Variants in TANC2 observed in about 807,000 individuals in gnomAD.
TANC2 encodes protein TANC2.
In TANC2, 26 loss-of-function variants were observed where a neutral mutation model predicts 210.5. The ratio of observed to expected loss-of-function variants is 0.12; its 90% CI spans 0.09 to 0.17. TANC2 has a LOEUF of 0.17. TANC2 is among the 10% of genes least tolerant of loss of function. The pLI is 1.00. For synonymous variants in TANC2, 931 were observed against 967.1 expected (o/e 0.96, Z 0.69); for missense variants, 2,129 against 2,608.9 (o/e 0.82, Z 4.01).
chr17:63,267,906 G>C (rs368258213), intron 9 of TANC2, 33 bp downstream of exon 9: 2 of 1,570,164 alleles, frequency 1.3e-6, no homozygotes, highest in African/African-American at 2.7e-5. Context: ...AAGGGTGCCC[G>C]GGAACAGATG....
intron 2 of TANC2, among the ~76,000 whole-genome samples, chr17:63,017,692 C>T (rs942139075): frequency 5.3e-5 from 8 of 152,218 alleles, no homozygotes; most frequent in Admixed American, 1.3e-4. Flanking sequence ...AGACATGGAA[C>T]GAGTGTGATA....
intron 1 of TANC2, among the ~76,000 whole-genome samples, chr17:62,988,529 G>A (rs1485108375): frequency 6.6e-6 from 1 of 152,070 alleles, no homozygotes; most frequent in South Asian, 2.1e-4. Context: ...CTGATTGTTT[G>A]TTGGGATTAG....
intron 8 of TANC2, among the ~76,000 whole-genome samples, chr17:63,247,415 C>T (rs999405646): frequency 6.6e-6 from 1 of 151,660 alleles, no homozygotes; most frequent in Non-Finnish European, 1.5e-5. Context: ...TGTTTTAACT[C>T]AAGTATTGGA....
intron 5 of TANC2, among the ~76,000 whole-genome samples, chr17:63,180,326 T>TA (rs1452807857): frequency 1.3e-5 from 2 of 152,166 alleles, no homozygotes; most frequent in African/African-American, 4.8e-5. Context: ...GAAAGACTAA[T>TA]CTTTTTTATC....
intron 7 of TANC2, among the ~76,000 whole-genome samples, chr17:63,220,319 T>C (rs1215853728): frequency 6.7e-6 from 1 of 149,556 alleles, no homozygotes. Flanking sequence ...AGTCCAAAAA[T>C]AGACCCACAC....
Position 63,412,731 on chromosome 17 carries a change from A to G in TANC2, c.3928+22A>G. The G allele has an allele frequency of 6.5e-7, 1 of 1,535,818 alleles. No individual in the cohort carries two copies. The highest frequency in any genetic ancestry group is 8.7e-7 in the Non-Finnish European group (1 of 1,146,912). ...CGAGGTATATTTCACCGCTGTCAGC[A>G]TCAGGCGTGGTCTGATGGCTTGGTC... On this transcript the variant is annotated intron_variant, in intron 24 of 27. Transcript: ENST00000689528. The surrounding 1 kb of genome is among the most constrained non-coding windows in gnomAD (Gnocchi z 4.2).
At chr17:63,257,923 G>C (rs9905707) in intron 8 of TANC2, among the ~76,000 whole-genome samples, 1 of 152,058 alleles carries the variant, frequency 6.6e-6, no homozygotes, top group South Asian at 2.1e-4. Context: ...AATTACAGTG[G>C]TCTGTGAACT....
At chr17:62,969,180 A>G (rs569712565) in intron 1 of TANC2, among the ~76,000 whole-genome samples, 1 of 152,318 alleles carries the variant, frequency 6.6e-6, no homozygotes, top group Non-Finnish European at 1.5e-5. Flanking sequence ...TGTAGCACCT[A>G]TTCTTTGCCA....
At chr17:63,308,834 T>A (rs2045015811) in intron 9 of TANC2, among the ~76,000 whole-genome samples, 1 of 152,114 alleles carries the variant, frequency 6.6e-6, no homozygotes. Flanking sequence ...TAACAACCAA[T>A]TCATTTTGCA....
At position 63,420,180 on chromosome 17, in the gene TANC2, C is replaced by A. The variant is rs780968730; in HGVS notation, c.4450C>A (p.Gln1484Lys). 6.3e-7 allele frequency: 1 copy of A among 1,582,220 alleles called. No individual in the cohort carries two copies. Among genetic ancestry groups the A allele is most frequent in the South Asian group, 1.1e-5 (1 of 87,154 alleles). Reference sequence around the variant, plus strand: ...GCCGGAAGAAGCAGAACCTGAGCCACAGCATGAAGACATATACTCTGTACA... The same window carrying A: ...GCCGGAAGAAGCAGAACCTGAGCCAAAGCATGAAGACATATACTCTGTACA... Residue 1484 changes from glutamine to lysine, a missense_variant, in exon 28 of 28, where the codon CAG (glutamine) becomes AAG (lysine). Physicochemically the swap from Gln to Lys is moderately conservative, Grantham distance 53 (BLOSUM62 1). Transcript: ENST00000689528. This position sits in a 1 kb window ranked among gnomAD's most constrained non-coding sequence, Gnocchi z 4.2.
intron 26 of TANC2, among the ~76,000 whole-genome samples, chr17:63,416,850 C>T (rs2048877444): frequency 6.6e-6 from 1 of 152,180 alleles, no homozygotes; most frequent in African/African-American, 2.4e-5. Context: ...GAGAAGGTGG[C>T]GGTCTCGGGA....
In TANC2 at chr17:63,421,306, C is replaced by T. The variant is rs745771366; in HGVS notation, c.5576C>T (p.Ser1859Phe). 1.2e-6 allele frequency: 2 copies of T among 1,614,046 alleles called. No individual in the cohort carries two copies. Among genetic ancestry groups the T allele is most frequent in the Non-Finnish European group, 1.7e-6 (2 of 1,179,898 alleles). ...CCAACTCCCAGGCCGTTGCTGCATT[C>T]CCAAAGTGTAGGCCTTCGCTTCTCT... is the stretch of plus-strand genomic sequence containing the variant. The change falls in exon 28 of 28, where the codon TCC becomes TTC. Residue 1859 changes from serine (S) to phenylalanine (F), a missense_variant. Transcript: ENST00000689528. This position sits in a 1 kb window ranked among gnomAD's most constrained non-coding sequence, Gnocchi z 6.9.
chr17:63,411,787 A>G (rs1415994695), intron 22 of TANC2, 101 bp downstream of exon 22: 2 of 1,462,394 alleles, frequency 1.4e-6, no homozygotes, highest in Admixed American at 4.4e-5. Context: ...ATGATTCCTG[A>G]TACAGAGCTC....
chr17:63,349,586 A>G (rs2046530669), intron 12 of TANC2, among the ~76,000 whole-genome samples: 1 of 152,144 alleles, frequency 6.6e-6, no homozygotes, highest in African/African-American at 2.4e-5. Flanking sequence ...ACCATACACA[A>G]TTCCAAGCTA....
intron 4 of TANC2, chr17:63,130,746 A>G (rs2145216273): frequency 6.6e-6 from 1 of 152,294 alleles, no homozygotes; most frequent in South Asian, 2.1e-4. Context: ...TATTAAGGGC[A>G]AAGTAGTTTA....
chr17:62,990,182 AG>A (rs146806721), intron 1 of TANC2, among the ~76,000 whole-genome samples: 4,221 of 152,182 alleles, frequency 0.028, 76 homozygotes, highest in South Asian at 0.037. Flanking sequence ...ATACCAGAGG[AG>A]GGTTGTTCAT....
Position 63,418,470 on chromosome 17 carries a change from C to A in TANC2, c.4268+63C>A. On this transcript the variant is annotated intron_variant, in intron 27 of 27. Coordinates refer to ENST00000689528, the Ensembl canonical transcript of TANC2. This position sits in a 1 kb window ranked among gnomAD's most constrained non-coding sequence, Gnocchi z 4.6. ...TTTTCTGAAAATTTGGCCAAGGCAG[C>A]GTCGGCCACCCTGGGGCATATGTAC... 1 of 1,467,542 alleles carries A rather than the reference C, an allele frequency of 6.8e-7. No homozygotes were observed. Among genetic ancestry groups the A allele is most frequent in the Non-Finnish European group, 9.3e-7 (1 of 1,072,314 alleles). 90.9% of individuals were successfully genotyped at this position (1,467,542 alleles called of 1,614,324 possible).
chr17:63,279,199 GTGAT>G (rs2043986553), intron 9 of TANC2, among the ~76,000 whole-genome samples: 1 of 152,146 alleles, frequency 6.6e-6, no homozygotes, highest in Non-Finnish European at 1.5e-5. Context: ...ACTCCTGAAA[GTGAT>G]TGAGAAATGT....
At chr17:63,340,972 C>T (rs1416868845) in intron 12 of TANC2, among the ~76,000 whole-genome samples, 1 of 152,178 alleles carries the variant, frequency 6.6e-6, no homozygotes, top group Non-Finnish European at 1.5e-5. Flanking sequence ...TAGCAGTGGC[C>T]TAAGTGCAAC....
Sources: allele counts gnomAD v4.1 joint callset (sites outside exome capture counted in the v4.1 genomes callset), GRCh38; gene constraint gnomAD v4.1.1; non-coding constraint Gnocchi (gnomAD v3.1); transcripts MANE v1.5; gene names NCBI Gene and HGNC (gene_info 2026-07-23, HGNC 2026-07-21).